GABBR2: variants seen among roughly 807,000 people sequenced by gnomAD.
GABBR2 encodes G-protein coupled receptor 51.
GABBR2 carries 23 observed loss-of-function variants against 105.6 expected under a neutral mutation model. That is an observed-to-expected ratio of 0.22 (90% CI 0.16 to 0.31). GABBR2 has a LOEUF of 0.31. Ranked by LOEUF, GABBR2 falls within the 10% of genes least tolerant of loss-of-function variation. The pLI is 1.00. For missense variants in GABBR2, 734 were observed against 1,245.5 expected (o/e 0.59, Z 6.18); for synonymous variants, 478 against 499.7 (o/e 0.96, Z 0.58).
intron 13 of GABBR2, among the ~76,000 whole-genome samples, chr9:98,336,342 T>G (rs1371894741): frequency 6.6e-6 from 1 of 152,090 alleles, no homozygotes; most frequent in African/African-American, 2.4e-5. Context: ...TGTAGCAAGG[T>G]AAGAAGTGTG....
intron 9 of GABBR2, among the ~76,000 whole-genome samples, chr9:98,389,522 T>C (rs1832140965): frequency 1.3e-5 from 2 of 152,232 alleles, no homozygotes; most frequent in African/African-American, 2.4e-5. Flanking sequence ...TTCAATGTCA[T>C]TGTGTTTTAA....
intron 1 of GABBR2, among the ~76,000 whole-genome samples, chr9:98,708,115 C>T (rs1830924782): frequency 6.6e-6 from 1 of 152,220 alleles, no homozygotes; most frequent in Non-Finnish European, 1.5e-5. Context: ...CCAGCCCCCA[C>T]CTTCTCCACT....
chr9:98,369,263 A>C (rs1027733503), intron 12 of GABBR2, among the ~76,000 whole-genome samples: 1 of 151,896 alleles, frequency 6.6e-6, no homozygotes, highest in Non-Finnish European at 1.5e-5. Flanking sequence ...CCCCTTCCCC[A>C]CTCTAAATGC....
chr9:98,481,576 G>A (rs576772803), intron 4 of GABBR2, among the ~76,000 whole-genome samples: 2 of 152,212 alleles, frequency 1.3e-5, no homozygotes, highest in South Asian at 4.2e-4. Context: ...GACTTGCTTT[G>A]AGCTTTGTTC....
chr9:98,594,018 A>T (rs141685813), intron 1 of GABBR2, among the ~76,000 whole-genome samples: 1 of 152,268 alleles, frequency 6.6e-6, no homozygotes, highest in Non-Finnish European at 1.5e-5. Flanking sequence ...TCTCTGCATC[A>T]CAAGCTGCTG....
intron 1 of GABBR2, among the ~76,000 whole-genome samples, chr9:98,624,586 G>C (rs777766548): frequency 6.6e-6 from 1 of 152,036 alleles, no homozygotes; most frequent in Non-Finnish European, 1.5e-5. Context: ...AGAGTCTCTC[G>C]GGAAGAGAGA....
intron 1 of GABBR2, among the ~76,000 whole-genome samples, chr9:98,581,636 T>A (rs1330364220): frequency 2.0e-5 from 3 of 152,092 alleles, no homozygotes; most frequent in Non-Finnish European, 4.4e-5. Flanking sequence ...CACGAGCAGA[T>A]AATAACAGAG....
chr9:98,703,831 T>A (rs1035310873), intron 1 of GABBR2, among the ~76,000 whole-genome samples: 1 of 151,604 alleles, frequency 6.6e-6, no homozygotes, highest in Non-Finnish European at 1.5e-5. Context: ...ATTTATTTTT[T>A]AATAAAATTA....
At chr9:98,637,300 T>C (rs561346883) in intron 1 of GABBR2, among the ~76,000 whole-genome samples, 1 of 151,982 alleles carries the variant, frequency 6.6e-6, no homozygotes, top group Non-Finnish European at 1.5e-5. Context: ...ACCTTTAACA[T>C]CCCCCTCCCC....
chr9:98,309,592 C>T (rs1437601345), intron 14 of GABBR2, among the ~76,000 whole-genome samples: 1 of 152,212 alleles, frequency 6.6e-6, no homozygotes, highest in Non-Finnish European at 1.5e-5. Context: ...TTGGGGCTGA[C>T]GGTTCTGCCC....
intron 12 of GABBR2, among the ~76,000 whole-genome samples, chr9:98,371,080 G>A (rs1016392802): frequency 6.6e-6 from 1 of 151,854 alleles, no homozygotes; most frequent in Non-Finnish European, 1.5e-5. Flanking sequence ...GCCTCTCTCG[G>A]CCCCTGACCA....
At chr9:98,694,726 T>C (rs1007734672) in intron 1 of GABBR2, among the ~76,000 whole-genome samples, 2 of 152,226 alleles carry the variant, frequency 1.3e-5, no homozygotes, top group African/African-American at 4.8e-5. Flanking sequence ...TTCACATTAA[T>C]CTTATTTCTC....
intron 3 of GABBR2, among the ~76,000 whole-genome samples, chr9:98,539,430 G>A (rs773728046): frequency 2.0e-5 from 3 of 152,194 alleles, no homozygotes; most frequent in Non-Finnish European, 2.9e-5. Flanking sequence ...AGTCTGAACT[G>A]AGGGGTTCAG....
chr9:98,307,061 G>A (rs577110654), intron 14 of GABBR2, among the ~76,000 whole-genome samples: 1 of 152,328 alleles, frequency 6.6e-6, no homozygotes, highest in Admixed American at 6.5e-5. Context: ...CGTGGAACCT[G>A]TGTAATGATG....
chr9:98,701,867 C>T (rs1475773343), intron 1 of GABBR2, among the ~76,000 whole-genome samples: 1 of 152,140 alleles, frequency 6.6e-6, no homozygotes, highest in African/African-American at 2.4e-5. Context: ...ACCCATTAGA[C>T]TTATTCCTTA....
chr9:98,457,447 C>T (rs1174332369), intron 6 of GABBR2, among the ~76,000 whole-genome samples: 2 of 152,134 alleles, frequency 1.3e-5, no homozygotes, highest in Admixed American at 6.5e-5. Flanking sequence ...TTTTGTGGGA[C>T]ACTAAGGGGA....
At chr9:98,699,908 T>C (rs337542) in intron 1 of GABBR2, among the ~76,000 whole-genome samples, 140,301 of 152,292 alleles carry the variant, frequency 0.92, 64,704 homozygotes, top group Middle Eastern at 0.97. Flanking sequence ...TGCAGCTGCT[T>C]ACTGGGCAAA....
intron 7 of GABBR2, among the ~76,000 whole-genome samples, chr9:98,416,328 C>T (rs775109760): frequency 2.6e-5 from 4 of 152,160 alleles, no homozygotes; most frequent in African/African-American, 7.2e-5. Flanking sequence ...CAGAAACAAG[C>T]GAGGAGGCCA....
chr9:98,359,622 T>C (rs1054359231), intron 13 of GABBR2, among the ~76,000 whole-genome samples: 2 of 152,058 alleles, frequency 1.3e-5, no homozygotes, highest in African/African-American at 4.8e-5. Flanking sequence ...TCTGTTTATT[T>C]CCCTCTCACT....
Sources: allele counts gnomAD v4.1 joint callset (sites outside exome capture counted in the v4.1 genomes callset), GRCh38; gene constraint gnomAD v4.1.1; transcripts MANE v1.5; gene names NCBI Gene and HGNC (gene_info 2026-07-23, HGNC 2026-07-21).